Variants in APC2 observed in about 807,000 individuals in gnomAD.
The protein encoded by APC2 is APC regulator of Wnt signaling pathway 2.
Under a neutral mutation model 72.5 loss-of-function variants are expected in APC2, and 41 were observed. The ratio of observed to expected loss-of-function variants is 0.57; its 90% CI spans 0.44 to 0.73. The LOEUF (loss-of-function observed/expected upper bound fraction) is 0.73. Ranked by LOEUF, APC2 falls within the 30% of genes least tolerant of loss-of-function variation. APC2 has a pLI of 0.00. For missense variants in APC2, 3,729 were observed against 3,403.4 expected (o/e 1.10, Z -2.38); for synonymous variants, 1,898 against 1,612.0 (o/e 1.18, Z -4.25).
At chr19:1,456,708 A>G in intron 8 of APC2, 145 bp from the exon 9 acceptor site, 1 of 1,105,886 alleles carries the variant, frequency 9.0e-7, no homozygotes, top group East Asian at 2.6e-5. Context: ...GCACGTGTGC[A>G]GCCTCCTAGC....
Position 1,462,590 on chromosome 19 carries a change from G to A in APC2, c.1853+413G>A, listed in dbSNP as rs774668100. Among the ~76,000 whole-genome samples the A allele has an allele frequency of 1.4e-4, 21 of 149,322 alleles. 1 individual carries two copies. In the Middle Eastern group the frequency reaches 0.01, roughly 73 times the overall value. ...GAATCGTTTGAACCCAGGAGGCAGA[G>A]GTTGCGGTGAGCTGAGATTGTGCCA... On this transcript the variant is annotated intron_variant, in intron 14 of 14. Coordinates refer to ENST00000590469, the MANE Select transcript of APC2 (RefSeq NM_005883.3).
upstream of APC2, among the ~76,000 whole-genome samples, chr19:1,449,338 CA>C (rs2083716301): frequency 6.6e-6 from 1 of 152,194 alleles, no homozygotes; most frequent in Non-Finnish European, 1.5e-5. Flanking sequence ...GTTAAACCTT[CA>C]AATGGCTTCC....
In APC2 at chr19:1,467,277, G is replaced by C; in HGVS notation, c.3976G>C (p.Ala1326Pro). The change falls in exon 15 of 15, where the codon GCG becomes CCG. Residue 1326 changes from alanine (A) to proline (P), a missense_variant. Ala to Pro is a conservative substitution (Grantham distance 27, BLOSUM62 -1). Coordinates refer to ENST00000590469, the MANE Select transcript of APC2 (RefSeq NM_005883.3). The part of the protein sequence containing the change: ...AGHRRREEGP[A>P]PTGSRPRGAA... The stretch of plus-strand genomic sequence containing the variant: ...GCACCGGCGGCGGGAGGAGGGGCCG[G>C]CGCCCACGGGTTCTCGCCCTCGCGG... 1 of 1,309,980 alleles carries C rather than the reference G, an allele frequency of 7.6e-7. No individual in the cohort carries two copies. The highest frequency in any genetic ancestry group is 9.7e-7 in the Non-Finnish European group (1 of 1,034,440). The allele number at this position is 1,309,980 out of a possible 1,614,324, so 81.1% of individuals were successfully genotyped here.
rs750466489 is a variant in APC2 at position 1,468,941 on chromosome 19, G to A, written c.5640G>A (p.Ser1880=). Residue 1880 remains serine (S), a synonymous_variant, in exon 15 of 15, where the codon TCG becomes TCA. Coordinates refer to ENST00000590469, the MANE Select transcript of APC2 (RefSeq NM_005883.3). ...CCTCCTCCAGCTCCTCCCAGACCTC[G>A]CCCGCCTCCCAGCCCCTGCCCAGAA... ...KTPSSSSSQT[S]PASQPLPRKR... The A allele has an allele frequency of 8.5e-6, 13 of 1,529,332 alleles. No individual in the cohort carries two copies. Among genetic ancestry groups the A allele is most frequent in the South Asian group, 3.6e-5 (3 of 82,392 alleles). The allele number at this position is 1,529,332 out of a possible 1,614,324, so 94.7% of individuals were successfully genotyped here.
Position 1,452,834 on chromosome 19 carries a change from C to A in APC2, c.-18-150C>A. 2 of 988,388 alleles carry A rather than the reference C, an allele frequency of 2.0e-6. No individual in the cohort carries two copies. Among genetic ancestry groups the A allele is most frequent in the Non-Finnish European group, 2.9e-6 (2 of 689,626 alleles). 61.2% of individuals were successfully genotyped at this position (988,388 alleles called of 1,614,324 possible). ...CTGGCCACCACCACGTGGGCCTGTA[C>A]TTGTCCACACCAGTGACTCCTGCCT... On this transcript the variant is annotated intron_variant, in intron 1 of 14. Transcript: ENST00000590469. The surrounding 1 kb of genome is among the most constrained non-coding windows in gnomAD (Gnocchi z 5.1).
intron 7 of APC2, 65 bp from the exon 8 acceptor site, chr19:1,456,238 ACAT>A (rs1189743772): frequency 1.3e-6 from 2 of 1,558,148 alleles, no homozygotes; most frequent in African/African-American, 2.7e-5. Flanking sequence ...GCCCCCGCCC[ACAT>A]CATCACGGGT....
In APC2 at chr19:1,461,969, A is replaced by G; in HGVS notation, c.1645A>G (p.Thr549Ala). Residue 549 changes from threonine (T) to alanine (A), a missense_variant, in exon 14 of 15, where the codon ACC (threonine) becomes GCC (alanine). Physicochemically the swap from Thr to Ala is moderately conservative, Grantham distance 58. Coordinates refer to ENST00000590469, the MANE Select transcript of APC2 (RefSeq NM_005883.3). The part of the protein sequence containing the change: ...QCVLRATKES[T>A]LKSVLSALWN... ...TCTCCCGCCCCTCGTCCAGGAGTCC[A>G]CCCTGAAGAGCGTGCTGAGCGCCCT... is the stretch of plus-strand genomic sequence containing the variant. 6.2e-7 allele frequency: 1 copy of G among 1,609,520 alleles called. No individual in the cohort carries two copies. The highest frequency in any genetic ancestry group is 1.1e-5 in the South Asian group (1 of 90,948).
Position 1,470,385 on chromosome 19 carries a change from G to A in APC2, c.*172G>A, listed in dbSNP as rs766493219. The A allele has an allele frequency of 2.0e-6, 2 of 979,470 alleles. No homozygotes were observed. Among genetic ancestry groups the A allele is most frequent in the South Asian group, 1.8e-5 (1 of 54,672 alleles). The allele number at this position is 979,470 out of a possible 1,614,324, so 60.7% of individuals were successfully genotyped here. A position where few individuals can be genotyped will look rare whatever the true frequency, so the allele number is the denominator to read the frequency against. On this transcript the variant is annotated 3_prime_UTR_variant, in exon 15 of 15. Coordinates refer to ENST00000590469, the MANE Select transcript of APC2 (RefSeq NM_005883.3). ...GCGCACGGCGACCTCGCGCCTCACCGGAAGACCTTGCCTCTGTGCCGCGGA... is the reference window on the plus strand; with the variant it reads ...GCGCACGGCGACCTCGCGCCTCACCAGAAGACCTTGCCTCTGTGCCGCGGA...
chr19:1,470,399 C>G lies in APC2; in HGVS notation c.*186C>G, dbSNP rs1473490780. Reference sequence around the variant, plus strand: ...CGCGCCTCACCGGAAGACCTTGCCTCTGTGCCGCGGAGGTCCAGGAGGAAA... The same window carrying G: ...CGCGCCTCACCGGAAGACCTTGCCTGTGTGCCGCGGAGGTCCAGGAGGAAA... On this transcript the variant is annotated 3_prime_UTR_variant, in exon 15 of 15. Coordinates refer to ENST00000590469, the MANE Select transcript of APC2 (RefSeq NM_005883.3). 2 of 892,466 alleles carry G rather than the reference C, an allele frequency of 2.2e-6. No homozygotes were observed. Among genetic ancestry groups the G allele is most frequent in the East Asian group, 3.2e-5 (1 of 31,638 alleles). 55.3% of individuals were successfully genotyped at this position (892,466 alleles called of 1,614,324 possible).
intron 4 of APC2, among the ~76,000 whole-genome samples, chr19:1,454,757 C>G (rs1410026721): frequency 2.0e-5 from 3 of 152,000 alleles, no homozygotes; most frequent in Non-Finnish European, 2.9e-5. Context: ...TTAGCAGAGA[C>G]GGGGTTTCAC....
intron 11 of APC2, 121 bp downstream of exon 11, chr19:1,460,441 T>C: frequency 6.9e-7 from 1 of 1,459,154 alleles, no homozygotes; most frequent in Middle Eastern, 1.8e-4. Context: ...TGTCCCCAAC[T>C]TACAGACGGG....
upstream of APC2, chr19:1,446,273 G>C (rs1466752697): frequency 1.0e-6 from 1 of 984,666 alleles, no homozygotes. This position sits in a 1 kb window ranked among gnomAD's most constrained non-coding sequence, Gnocchi z 6.1. Context: ...GCGGGTCCGG[G>C]GCGGCCGCGG....
chr19:1,469,971 T>C lies in APC2; in HGVS notation c.6670T>C (p.Ser2224Pro). The C allele has an allele frequency of 6.6e-7, 1 of 1,520,114 alleles. No homozygotes were observed. Among genetic ancestry groups the C allele is most frequent in the Non-Finnish European group, 8.8e-7 (1 of 1,139,706 alleles). 94.2% of individuals were successfully genotyped at this position (1,520,114 alleles called of 1,614,324 possible). Residue 2224 changes from serine (S) to proline (P), a missense_variant, in exon 15 of 15, where the codon TCC becomes CCC. Coordinates refer to ENST00000590469, the MANE Select transcript of APC2 (RefSeq NM_005883.3). ...CGGGGCCCCCGCCGGCGGCCAGCTC[T>C]CCCTCCTCGGCAGCGACGTGGACGG... Reference protein sequence around the residue: ...PPGAPAGGQLSLLGSDVDGPS... With the variant: ...PPGAPAGGQLPLLGSDVDGPS...
Position 1,466,168 on chromosome 19 carries a change from A to C in APC2, c.2867A>C (p.Asp956Ala). ...GCCGCACTGGCTTCGCGCCGCGAGG[A>C]CCCCAGGTGTGGGCAGCCTCGGCCC... ...PLAALASRRE[D>A]PRCGQPRPSR... Residue 956 changes from aspartate (D) to alanine (A), a missense_variant, in exon 15 of 15, where the codon GAC becomes GCC. Transcript: ENST00000590469. The C allele has an allele frequency of 1.9e-6, 3 of 1,561,798 alleles. No homozygotes were observed. Among genetic ancestry groups the C allele is most frequent in the Non-Finnish European group, 2.6e-6 (3 of 1,164,610 alleles).
chr19:1,457,898 G>GGGGGGGA, intron 9 of APC2, 67 bp from the exon 10 acceptor site: 2 of 1,432,326 alleles, frequency 1.4e-6, no homozygotes, highest in Non-Finnish European at 1.9e-6. Context: ...CGGGTTGCGG[G>GGGGGGGA]ACCTTCGGGA....
Position 1,468,238 on chromosome 19 carries a change from G to A in APC2, c.4937G>A (p.Gly1646Asp). Residue 1646 changes from glycine (G) to aspartate (D), a missense_variant, in exon 15 of 15, where the codon GGC becomes GAC. By Grantham distance (94) the Gly-to-Asp change is moderately conservative. Transcript: ENST00000590469. ...ALPRRRPPVS[G>D]LRRRKPRATR... ...CCCAGGCGCCGGCCCCCCGTGTCTG[G>A]CCTGCGGCGCCGCAAGCCCCGAGCC... The A allele has an allele frequency of 6.7e-7, 1 of 1,502,974 alleles. No individual in the cohort carries two copies. Among genetic ancestry groups the A allele is most frequent in the Non-Finnish European group, 8.8e-7 (1 of 1,131,126 alleles). The allele number at this position is 1,502,974 out of a possible 1,614,324, so 93.1% of individuals were successfully genotyped here. A position where few individuals can be genotyped will look rare whatever the true frequency, so the allele number is the denominator to read the frequency against.
rs1217632620 is a variant in APC2, at chr19:1,461,290, C to A, written c.1638+137C>A. The A allele has an allele frequency of 8.1e-6, 6 of 745,012 alleles. No individual in the cohort carries two copies. The South Asian group carries it at 8.2e-5, about 10-fold the overall frequency. 46.2% of individuals were successfully genotyped at this position (745,012 alleles called of 1,614,324 possible). Reference sequence around the variant, plus strand: ...CTTAGCGGGTGGTCCAGCCTCAGACCGGCTGGGGCTCACTCCTCATGTCAC... The same window carrying A: ...CTTAGCGGGTGGTCCAGCCTCAGACAGGCTGGGGCTCACTCCTCATGTCAC... On this transcript the variant is annotated intron_variant, in intron 13 of 14. Transcript: ENST00000590469.
intron 8 of APC2, 132 bp downstream of exon 8, chr19:1,456,536 C>T: frequency 9.8e-7 from 1 of 1,015,664 alleles, no homozygotes; most frequent in Non-Finnish European, 1.4e-6. Flanking sequence ...GAAGGCCCCT[C>T]TGGCGTGCAG....
rs779119895 is a variant in APC2 at position 1,466,197 on chromosome 19, C to G, written c.2896C>G (p.Arg966Gly). The change falls in exon 15 of 15, where the codon CGG (arginine) becomes GGG (glycine). Residue 966 changes from arginine (R) to glycine (G), a missense_variant. Transcript: ENST00000590469. ...DPRCGQPRPSRLDLDLPGCQA... is the reference protein window; with the variant it reads ...DPRCGQPRPSGLDLDLPGCQA... ...CAGGTGTGGGCAGCCTCGGCCCAGC[C>G]GGCTTGACCTTGACCTGCCCGGCTG... 1.3e-6 allele frequency: 2 copies of G among 1,557,458 alleles called. No homozygotes were observed. The highest frequency in any genetic ancestry group is 2.4e-5 in the East Asian group (1 of 42,434).
Sources: allele counts gnomAD v4.1 joint callset (sites outside exome capture counted in the v4.1 genomes callset), GRCh38; gene constraint gnomAD v4.1.1; non-coding constraint Gnocchi (gnomAD v3.1); transcripts MANE v1.5; gene names NCBI Gene and HGNC (gene_info 2026-07-23, HGNC 2026-07-21).